Variants in KCNQ5 observed in about 807,000 individuals in gnomAD.
KCNQ5 encodes potassium voltage-gated channel subfamily KQT member 5.
KCNQ5 carries 30 observed loss-of-function variants against 98.2 expected under a neutral mutation model. The observed-to-expected ratio is 0.31, with a 90% CI of 0.23 to 0.41. The LOEUF (loss-of-function observed/expected upper bound fraction) is 0.41. Ranked by LOEUF, KCNQ5 falls within the 10% of genes least tolerant of loss-of-function variation. KCNQ5 has a pLI of 1.00. For synonymous variants in KCNQ5, 458 were observed against 449.4 expected (o/e 1.02, Z -0.24); for missense variants, 835 against 1,182.5 (o/e 0.71, Z 4.31).
chr6:72,908,536 G>A (rs1369703268), intron 1 of KCNQ5, among the ~76,000 whole-genome samples: 2 of 152,042 alleles, frequency 1.3e-5, no homozygotes, highest in Non-Finnish European at 2.9e-5. Flanking sequence ...TTAAAAATAT[G>A]TCAAAGAATA....
chr6:73,125,015 CACAT>C (rs1327213108), intron 9 of KCNQ5, among the ~76,000 whole-genome samples: 7 of 128,036 alleles, frequency 5.5e-5, no homozygotes, highest in Non-Finnish European at 1.2e-4. Context: ...TATACATATA[CACAT>C]ACATACATTA....
intron 2 of KCNQ5, among the ~76,000 whole-genome samples, chr6:73,017,502 A>C (rs1190664018): frequency 6.6e-6 from 1 of 152,156 alleles, no homozygotes; most frequent in East Asian, 1.9e-4. Flanking sequence ...ACTGTTCCCC[A>C]TGCAGGTATA....
intron 1 of KCNQ5, among the ~76,000 whole-genome samples, chr6:72,685,937 G>A (rs1450308511): frequency 6.6e-6 from 1 of 152,160 alleles, no homozygotes; most frequent in African/African-American, 2.4e-5. Context: ...TCAATTCTTA[G>A]TGAGGGTCCT....
In KCNQ5 at chr6:72,997,088, C is replaced by T. The variant is rs1046370866; in HGVS notation, c.399-6820C>T. ...GCTGTCTGTAACAGGGCTATGCCGC[C>T]GTAAAATGATGGGAGGGTCCTGGAT... On this transcript the variant is annotated intron_variant, in intron 1 of 13. Coordinates refer to ENST00000370398, the MANE Select transcript of KCNQ5 (RefSeq NM_019842.4). Among the ~76,000 whole-genome samples the T allele has an allele frequency of 6.8e-4, 103 of 152,046 alleles. 1 individual carries two copies. Among genetic ancestry groups the T allele is most frequent in the Admixed American group, 6.5e-3 (99 of 15,252 alleles).
At chr6:73,131,781 C>A (rs1426833821) in intron 9 of KCNQ5, among the ~76,000 whole-genome samples, 2 of 152,158 alleles carry the variant, frequency 1.3e-5, no homozygotes, top group Non-Finnish European at 2.9e-5. Flanking sequence ...ACACATGTGT[C>A]AAGCACAGAT....
intron 5 of KCNQ5, among the ~76,000 whole-genome samples, chr6:73,086,893 T>A (rs892784600): frequency 2.6e-5 from 4 of 151,604 alleles, no homozygotes; most frequent in Non-Finnish European, 5.9e-5. Context: ...CTGGGAAGAG[T>A]GAGGAAAATG....
At chr6:73,174,177 T>G (rs1778123470) in intron 11 of KCNQ5, among the ~76,000 whole-genome samples, 1 of 152,114 alleles carries the variant, frequency 6.6e-6, no homozygotes, top group African/African-American at 2.4e-5. Context: ...AATCTCTTCA[T>G]GGATTGGTAC....
At chr6:73,184,972 TA>T (rs1350828830) in intron 11 of KCNQ5, among the ~76,000 whole-genome samples, 2 of 152,132 alleles carry the variant, frequency 1.3e-5, no homozygotes, top group Admixed American at 1.3e-4. Flanking sequence ...TCTAAACAAA[TA>T]AACCTCCCAT....
chr6:72,726,369 C>A (rs938635125), intron 1 of KCNQ5, among the ~76,000 whole-genome samples: 1 of 151,992 alleles, frequency 6.6e-6, no homozygotes, highest in Non-Finnish European at 1.5e-5. Flanking sequence ...CACCACCATG[C>A]CCGGCTAATT....
intron 1 of KCNQ5, among the ~76,000 whole-genome samples, chr6:72,664,153 G>A (rs1317857335): frequency 6.6e-6 from 1 of 152,214 alleles, no homozygotes. Context: ...GAAAGTGTTA[G>A]GAGGGGATGT....
At chr6:73,104,839 A>C (rs1774937890) in intron 5 of KCNQ5, among the ~76,000 whole-genome samples, 3 of 152,198 alleles carry the variant, frequency 2.0e-5, no homozygotes, top group Admixed American at 2.0e-4. Flanking sequence ...GTTCCACTAC[A>C]AATCTTAACA....
At chr6:72,656,152 A>G (rs1766185562) in intron 1 of KCNQ5, among the ~76,000 whole-genome samples, 1 of 152,208 alleles carries the variant, frequency 6.6e-6, no homozygotes, top group South Asian at 2.1e-4. Context: ...AAGTGGATGC[A>G]TAATTAAAAT....
At chr6:73,162,453 T>C (rs559701897) in intron 10 of KCNQ5, among the ~76,000 whole-genome samples, 2 of 152,318 alleles carry the variant, frequency 1.3e-5, no homozygotes, top group East Asian at 1.9e-4. Flanking sequence ...CCTTATTCCA[T>C]TGGCATTTTG....
chr6:72,736,195 A>G (rs1177411310), intron 1 of KCNQ5, among the ~76,000 whole-genome samples: 1 of 151,992 alleles, frequency 6.6e-6, no homozygotes, highest in African/African-American at 2.4e-5. Flanking sequence ...AAAATATCTC[A>G]TCCCTTTGAC....
intron 5 of KCNQ5, among the ~76,000 whole-genome samples, chr6:73,091,903 T>A (rs1774268507): frequency 6.6e-6 from 1 of 152,118 alleles, no homozygotes; most frequent in African/African-American, 2.4e-5. Flanking sequence ...TGCATTGAAT[T>A]TGTAGATTGC....
At chr6:73,038,064 A>G (rs1260156804) in intron 2 of KCNQ5, among the ~76,000 whole-genome samples, 1 of 152,016 alleles carries the variant, frequency 6.6e-6, no homozygotes, top group African/African-American at 2.4e-5. Flanking sequence ...TCTGCATTTC[A>G]TAATCTCAAT....
intron 1 of KCNQ5, among the ~76,000 whole-genome samples, chr6:72,823,447 A>C (rs1273668856): frequency 6.6e-6 from 1 of 152,152 alleles, no homozygotes; most frequent in Non-Finnish European, 1.5e-5. Context: ...AACTCTTAGA[A>C]TTTTCACATG....
At chr6:72,635,683 T>TG (rs2098923673) in intron 1 of KCNQ5, among the ~76,000 whole-genome samples, 1 of 149,040 alleles carries the variant, frequency 6.7e-6, no homozygotes, top group African/African-American at 2.5e-5. Flanking sequence ...TTTTTTTTTT[T>TG]TTTTTTTTTT....
chr6:73,043,091 T>G (rs1450887956), intron 3 of KCNQ5: 1 of 404,432 alleles, frequency 2.5e-6, no homozygotes, highest in Non-Finnish European at 5.2e-6. Context: ...TTGCGTAATC[T>G]TCTCAGTTTC....
Sources: gnomAD v4.1 joint callset for allele counts (sites outside exome capture counted in the v4.1 genomes callset) on GRCh38, gnomAD v4.1.1 for gene constraint, MANE v1.5 for transcripts, NCBI Gene and HGNC (gene_info 2026-07-23, HGNC 2026-07-21) for gene names.